The following RAB3C variants were observed in gnomAD, a reference collection of about 807,000 sequenced individuals.
RAB3C encodes the protein RAB3C, member RAS oncogene family.
RAB3C carries 17 observed loss-of-function variants against 26.4 expected under a neutral mutation model. The observed-to-expected ratio is 0.64, with a 90% CI of 0.44 to 0.97. The LOEUF is 0.97. RAB3C is among the 50% of genes least tolerant of loss of function. RAB3C has a pLI of 0.00. For missense variants in RAB3C, 242 were observed against 281.9 expected, an observed-to-expected ratio of 0.86 and a Z score of 1.01; for synonymous variants, 91 against 95.9, an observed-to-expected ratio of 0.95 and a Z score of 0.30.
chr5:58,646,464 A>G (rs890811774), intron 2 of RAB3C, among the ~76,000 whole-genome samples: 4 of 152,024 alleles, frequency 2.6e-5, no homozygotes, highest in Non-Finnish European at 4.4e-5. Flanking sequence ...TGGAAAAAAA[A>G]AGAAAACATT....
chr5:58,667,166 C>G (rs1415256835), intron 2 of RAB3C, among the ~76,000 whole-genome samples: 1 of 152,156 alleles, frequency 6.6e-6, no homozygotes, highest in Non-Finnish European at 1.5e-5. Flanking sequence ...ACTGATGACA[C>G]TAACAATGGG....
intron 2 of RAB3C, among the ~76,000 whole-genome samples, chr5:58,645,006 A>G (rs1432139713): frequency 6.6e-6 from 1 of 152,224 alleles, no homozygotes; most frequent in Non-Finnish European, 1.5e-5. Context: ...AGTAATATTA[A>G]TGAGAAAGTG....
intron 3 of RAB3C, among the ~76,000 whole-genome samples, chr5:58,803,200 C>T (rs879361685): frequency 7.9e-5 from 12 of 152,140 alleles, no homozygotes; most frequent in Admixed American, 2.0e-4. Flanking sequence ...GGACTTTTCA[C>T]TATTGAGTCA....
intron 2 of RAB3C, among the ~76,000 whole-genome samples, chr5:58,634,056 G>A (rs769903833): frequency 9.2e-5 from 14 of 151,638 alleles, no homozygotes; most frequent in Non-Finnish European, 1.6e-4. Context: ...CAGGAGAATG[G>A]CGTCAACCCA....
intron 3 of RAB3C, among the ~76,000 whole-genome samples, chr5:58,752,563 T>G (rs1741555322): frequency 6.6e-6 from 1 of 152,136 alleles, no homozygotes; most frequent in Non-Finnish European, 1.5e-5. Context: ...CAAGGTTTTG[T>G]GGTGTATTAT....
chr5:58,656,083 C>A (rs292974), intron 2 of RAB3C, among the ~76,000 whole-genome samples: 22,109 of 152,040 alleles, frequency 0.15, 1,950 homozygotes, highest in Middle Eastern at 0.23. Flanking sequence ...CCGCGCCCGG[C>A]CCTAAACCTA....
At chr5:58,737,403 AT>A (rs1333903042) in intron 3 of RAB3C, among the ~76,000 whole-genome samples, 11 of 9,014 alleles carry the variant, frequency 1.2e-3, no homozygotes, top group Non-Finnish European at 1.8e-3. Flanking sequence ...AAATATATAT[AT>A]ATATATATAT....
At chr5:58,791,086 G>A (rs937313652) in intron 3 of RAB3C, among the ~76,000 whole-genome samples, 4 of 150,356 alleles carry the variant, frequency 2.7e-5, no homozygotes, top group African/African-American at 9.8e-5. Flanking sequence ...AAACATATAT[G>A]AAGAAGAAGC....
chr5:58,679,730 C>T (rs922540699), intron 2 of RAB3C, among the ~76,000 whole-genome samples: 20 of 152,078 alleles, frequency 1.3e-4, no homozygotes, highest in Admixed American at 7.2e-4. Flanking sequence ...CTAGTTAATA[C>T]GGTTATTTGA....
chr5:58,685,824 TA>T (rs1748433655), intron 2 of RAB3C, among the ~76,000 whole-genome samples: 2 of 152,080 alleles, frequency 1.3e-5, no homozygotes, highest in Admixed American at 1.3e-4. Context: ...TATGTATAAA[TA>T]AAAACCCAGG....
chr5:58,605,518 T>G lies in RAB3C; in HGVS notation c.25-12125T>G, dbSNP rs571564199. On this transcript the variant is annotated intron_variant, in intron 1 of 4. Coordinates refer to ENST00000282878, the MANE Select transcript of RAB3C (RefSeq NM_138453.4). ...AAGTCACAGGGCAAATCACTGCCCC[T>G]TGTAATTGGAGTGACAGACAGGCAG... 3.3e-5 allele frequency among the ~76,000 whole-genome samples: 5 copies of G among 152,276 alleles called. No individual in the cohort carries two copies. In the South Asian group the frequency reaches 8.3e-4, roughly 25 times the overall value.
intron 3 of RAB3C, among the ~76,000 whole-genome samples, chr5:58,777,140 A>AT (rs1262669808): frequency 6.6e-6 from 1 of 152,100 alleles, no homozygotes; most frequent in Non-Finnish European, 1.5e-5. Flanking sequence ...TTCTCTTTGC[A>AT]ATCCCTATCC....
At chr5:58,841,253 C>T (rs916113075) in intron 4 of RAB3C, among the ~76,000 whole-genome samples, 1 of 152,142 alleles carries the variant, frequency 6.6e-6, no homozygotes, top group African/African-American at 2.4e-5. Flanking sequence ...TTGGCTGGCT[C>T]AAGAGTAGAG....
intron 3 of RAB3C, among the ~76,000 whole-genome samples, chr5:58,790,007 A>G (rs998007113): frequency 6.6e-6 from 1 of 152,242 alleles, no homozygotes; most frequent in African/African-American, 2.4e-5. Context: ...GGGTTTTAAA[A>G]GCTCCCCAGG....
intron 4 of RAB3C, among the ~76,000 whole-genome samples, chr5:58,840,511 C>T (rs182395842): frequency 1.3e-5 from 2 of 152,172 alleles, no homozygotes; most frequent in Non-Finnish European, 2.9e-5. Context: ...TGCTGTTTTT[C>T]ATTGACAGTG....
In RAB3C at chr5:58,857,061, C is replaced by T. The variant is rs1049431360; in HGVS notation, c.*5710C>T. On this transcript the variant is annotated 3_prime_UTR_variant, in exon 5 of 5. Coordinates refer to ENST00000282878, the MANE Select transcript of RAB3C (RefSeq NM_138453.4). ...TAAAAATAGATTTGTTTTCTATTTT[C>T]AACACCTCAGAATTGAGGGTTCATG... 6.6e-6 allele frequency: 1 copy of T among 152,094 alleles called. No homozygotes were observed. Among genetic ancestry groups the T allele is most frequent in the African/African-American group, 2.4e-5 (1 of 41,412 alleles). 9.4% of individuals were successfully genotyped at this position (152,094 alleles called of 1,614,324 possible).
chr5:58,797,360 A>ATG (rs1742689486), intron 3 of RAB3C, among the ~76,000 whole-genome samples: 1 of 16,544 alleles, frequency 6.0e-5, no homozygotes, highest in African/African-American at 6.9e-4. Context: ...AAAAATATGT[A>ATG]TATATATAAT....
At chr5:58,659,018 G>T (rs1018856667) in intron 2 of RAB3C, among the ~76,000 whole-genome samples, 2 of 152,110 alleles carry the variant, frequency 1.3e-5, no homozygotes, top group Non-Finnish European at 2.9e-5. Context: ...CAGGAGAGAT[G>T]GGAGAAGCCA....
chr5:58,678,223 A>G (rs934920066), intron 2 of RAB3C, among the ~76,000 whole-genome samples: 2 of 152,196 alleles, frequency 1.3e-5, no homozygotes, highest in African/African-American at 4.8e-5. Flanking sequence ...TAAGACAAAA[A>G]AGATATAAAA....
Sources: allele counts gnomAD v4.1 joint callset (sites outside exome capture counted in the v4.1 genomes callset), GRCh38; gene constraint gnomAD v4.1.1; transcripts MANE v1.5; gene names NCBI Gene and HGNC (gene_info 2026-07-23, HGNC 2026-07-21).